BICC1: variants seen among roughly 807,000 people sequenced by gnomAD.
BICC1 encodes protein bicaudal C homolog 1.
BICC1 carries 43 observed loss-of-function variants against 111.0 expected under a neutral mutation model. The ratio of observed to expected loss-of-function variants is 0.39; its 90% CI spans 0.30 to 0.50. BICC1 has a LOEUF of 0.50. Ranked by LOEUF, BICC1 falls within the 20% of genes least tolerant of loss-of-function variation. The pLI is 0.88. For missense variants in BICC1, 1,091 were observed against 1,203.2 expected, an observed-to-expected ratio of 0.91 and a Z score of 1.38; for synonymous variants, 467 against 434.4, an observed-to-expected ratio of 1.07 and a Z score of -0.93.
chr10:58,651,656 T>C (rs938628708), intron 2 of BICC1, among the ~76,000 whole-genome samples: 2 of 152,228 alleles, frequency 1.3e-5, no homozygotes, highest in African/African-American at 4.8e-5. Flanking sequence ...TTTGTGCTTT[T>C]TTAGACACCT....
intron 3 of BICC1, among the ~76,000 whole-genome samples, chr10:58,736,887 C>T (rs901734436): frequency 2.6e-5 from 4 of 151,882 alleles, no homozygotes; most frequent in African/African-American, 9.7e-5. Flanking sequence ...GGATGAGAAA[C>T]GTTGATTTGA....
chr10:58,525,485 TCTCA>T (rs549357048), intron 1 of BICC1, among the ~76,000 whole-genome samples: 2,017 of 130,840 alleles, frequency 0.015, 76 homozygotes, highest in African/African-American at 0.053. Context: ...CACCGCATGT[TCTCA>T]CTCATAGGTG....
chr10:58,578,260 C>G (rs1186967920), intron 1 of BICC1, among the ~76,000 whole-genome samples: 1 of 152,136 alleles, frequency 6.6e-6, no homozygotes, highest in African/African-American at 2.4e-5. Flanking sequence ...ATTTTTTCCT[C>G]TTCACTTGAG....
chr10:58,812,558 A>G (rs576955992), intron 17 of BICC1, among the ~76,000 whole-genome samples: 8 of 151,238 alleles, frequency 5.3e-5, no homozygotes, highest in Non-Finnish European at 1.0e-4. Context: ...GCTCATTGCA[A>G]CCTCCGCCTC....
intron 3 of BICC1, among the ~76,000 whole-genome samples, chr10:58,711,504 C>T (rs1213162540): frequency 2.6e-5 from 4 of 152,326 alleles, no homozygotes; most frequent in African/African-American, 9.6e-5. Flanking sequence ...TTTTCTCACA[C>T]TCACAGACAT....
At chr10:58,554,772 A>G (rs1202768556) in intron 1 of BICC1, among the ~76,000 whole-genome samples, 1 of 149,522 alleles carries the variant, frequency 6.7e-6, no homozygotes, top group Admixed American at 6.8e-5. Context: ...TGATTTTTAA[A>G]GTCTTATATG....
chr10:58,565,351 CT>C (rs1244788582), intron 1 of BICC1, among the ~76,000 whole-genome samples: 1 of 152,164 alleles, frequency 6.6e-6, no homozygotes, highest in Non-Finnish European at 1.5e-5. Flanking sequence ...ATTGCAGGAG[CT>C]TTTGGAATGT....
In BICC1 at chr10:58,817,602, T is replaced by G; in HGVS notation, c.2574T>G (p.Ile858Met). 6.2e-7 allele frequency: 1 copy of G among 1,613,574 alleles called. No homozygotes were observed. The highest frequency in any genetic ancestry group is 2.2e-5 in the East Asian group (1 of 44,828). ...GCAGTAGCAATTACATGGACTGCAT[T>G]TCCTCGCTGACAGGAAGCAATGGCT... ...YLSSSNYMDC[I>M]SSLTGSNGCN... The change falls in exon 19 of 21, where the codon ATT (isoleucine) becomes ATG (methionine). Residue 858 changes from isoleucine to methionine, a missense_variant. Ile to Met is a conservative substitution (Grantham distance 10). Transcript: ENST00000373886.
At chr10:58,692,285 A>G (rs577852636) in intron 2 of BICC1, among the ~76,000 whole-genome samples, 1 of 152,266 alleles carries the variant, frequency 6.6e-6, no homozygotes, top group Admixed American at 6.5e-5. Context: ...GGAGTTCTCT[A>G]AACTTTTGAG....
chr10:58,785,029 A>G lies in BICC1; in HGVS notation c.336A>G (p.Lys112=), dbSNP rs372045739. 9 of 1,600,400 alleles carry G rather than the reference A, an allele frequency of 5.6e-6. No individual in the cohort carries two copies. Among genetic ancestry groups the G allele is most frequent in the Middle Eastern group, 1.7e-4 (1 of 6,036 alleles). ...CCCATATTAAGGTTTCTGGAAAGAA[A>G]GAAGATGTTAAAGAAGCCAAGGAAA... is the stretch of plus-strand genomic sequence containing the variant. ...KDPHIKVSGK[K]EDVKEAKEMI... The change falls in exon 4 of 21, where the codon AAA becomes AAG. Residue 112 remains lysine (K), a synonymous_variant. Transcript: ENST00000373886.
intron 7 of BICC1, 87 bp from the exon 8 acceptor site, chr10:58,789,595 C>T (rs1843114007): frequency 6.5e-7 from 1 of 1,543,300 alleles, no homozygotes. Flanking sequence ...TGTATTTTTC[C>T]ATAGCTGTTA....
intron 1 of BICC1, among the ~76,000 whole-genome samples, chr10:58,611,516 C>A (rs1845418736): frequency 2.7e-5 from 4 of 150,506 alleles, no homozygotes; most frequent in Admixed American, 2.7e-4. Context: ...CGCACTGTTG[C>A]CCGGGCTGGA....
intron 2 of BICC1, among the ~76,000 whole-genome samples, chr10:58,661,131 G>T (rs1838829551): frequency 6.6e-6 from 1 of 151,946 alleles, no homozygotes; most frequent in Non-Finnish European, 1.5e-5. Flanking sequence ...GTAGCAACCT[G>T]ATGCTGTCAG....
chr10:58,706,073 A>G (rs948005866), intron 3 of BICC1, among the ~76,000 whole-genome samples: 2 of 152,128 alleles, frequency 1.3e-5, no homozygotes, highest in African/African-American at 4.8e-5. Context: ...ACTCCTTCTG[A>G]CTCTTAGATT....
chr10:58,536,414 G>A (rs1248621406), intron 1 of BICC1, among the ~76,000 whole-genome samples: 2 of 151,486 alleles, frequency 1.3e-5, no homozygotes, highest in Admixed American at 1.3e-4. Flanking sequence ...AATTCCAAGA[G>A]TAATCCTCAA....
chr10:58,749,878 T>C (rs1197888251), intron 3 of BICC1, among the ~76,000 whole-genome samples: 1 of 152,148 alleles, frequency 6.6e-6, no homozygotes, highest in Non-Finnish European at 1.5e-5. Flanking sequence ...CTAGAGTTAG[T>C]TACCAGCTGA....
intron 20 of BICC1, 75 bp downstream of exon 20, chr10:58,820,543 C>T (rs1844223991): frequency 5.4e-6 from 6 of 1,104,458 alleles, no homozygotes; most frequent in Non-Finnish European, 8.2e-6. Context: ...TGGGTTGTTT[C>T]TACCCATTAA....
At chr10:58,716,370 C>T (rs1840740801) in intron 3 of BICC1, 5 of 1,217,642 alleles carry the variant, frequency 4.1e-6, no homozygotes, top group South Asian at 3.1e-5. Flanking sequence ...AACATATTTA[C>T]TAACATGCAT....
rs75401431 is a variant in BICC1 at position 58,554,154 on chromosome 10, G to A, written c.190+40821G>A. ...GATAGGTGGAAGGCAGGAATTGATT[G>A]AATTCATACCTGTTAATCCCATATT... On this transcript the variant is annotated intron_variant, in intron 1 of 20. Transcript: ENST00000373886. Among the ~76,000 whole-genome samples the A allele has an allele frequency of 4.3e-4, 65 of 152,206 alleles. 1 individual carries two copies. In the East Asian group the frequency reaches 0.01, roughly 24 times the overall value.
Sources: allele counts gnomAD v4.1 joint callset (sites outside exome capture counted in the v4.1 genomes callset), GRCh38; gene constraint gnomAD v4.1.1; transcripts MANE v1.5; gene names NCBI Gene and HGNC (gene_info 2026-07-23, HGNC 2026-07-21).